The following DMAC2 variants were observed in gnomAD, a reference collection of about 807,000 sequenced individuals.
DMAC2 encodes the protein distal membrane-arm assembly complex protein 2.
Under a neutral mutation model 29.6 loss-of-function variants are expected in DMAC2, and 32 were observed. That is an observed-to-expected ratio of 1.08 (90% CI 0.81 to 1.45). The LOEUF is 1.45. DMAC2 is among the 40% of genes most tolerant of loss of function. The pLI is 0.00. For synonymous variants in DMAC2, 133 were observed against 137.4 expected (o/e 0.97, Z 0.23); for missense variants, 319 against 340.0 (o/e 0.94, Z 0.49).
intron 2 of DMAC2, among the ~76,000 whole-genome samples, chr19:41,437,388 T>G (rs1555771554): frequency 6.6e-6 from 1 of 150,398 alleles, no homozygotes; most frequent in Non-Finnish European, 1.5e-5. Flanking sequence ...AGAGTGAGAC[T>G]CTGTCTCAAA....
Position 41,438,304 on chromosome 19 carries a change from C to T in DMAC2, c.129G>A (p.Gln43=), listed in dbSNP as rs368249309. The T allele has an allele frequency of 3.1e-6, 5 of 1,614,254 alleles. No individual in the cohort carries two copies. Among genetic ancestry groups the T allele is most frequent in the Non-Finnish European group, 4.2e-6 (5 of 1,180,044 alleles). ...CATCGTAGAAATAGTTGGTCAGGAA[C>T]TGGAGTATTGTCCTTTTCTTCTTCT... The part of the protein sequence containing the change: ...GNQKKKRTIL[Q]FLTNYFYDVE... The change falls in exon 2 of 6, where the codon CAG becomes CAA. Residue 43 remains glutamine, a synonymous_variant. Coordinates refer to ENST00000221943, the MANE Select transcript of DMAC2 (RefSeq NM_018035.3).
chr19:41,433,796 CT>C, intron 3 of DMAC2, 123 bp from the exon 4 acceptor site: 1 of 1,363,630 alleles, frequency 7.3e-7, no homozygotes, highest in Non-Finnish European at 1.0e-6. Context: ...CTAATTCCAT[CT>C]TAGAAAAAGA....
intron 5 of DMAC2, chr19:41,432,783 C>CGTGTGTGTGTGTGTGT (rs374254190): frequency 1.6e-5 from 5 of 303,310 alleles, no homozygotes; most frequent in African/African-American, 1.0e-4. Flanking sequence ...GGACAGCGTG[C>CGTGTGTGTGTGTGTGT]GTGTGTGTGT....
chr19:41,438,937 A>T (rs60781668), intron 1 of DMAC2: 68,055 of 143,434 alleles, frequency 0.47, 15,898 homozygotes, highest in African/African-American at 0.58. Flanking sequence ...TTAGGAGGAT[A>T]TTTTTGTGAT....
chr19:41,431,496 G>A lies in DMAC2; in HGVS notation c.*735C>T, dbSNP rs1321971255. ...GCGCTGTGTCTCCTACGCAACTTCT[G>A]AGGGCTGGAGGGTGCCAAGGGCAGC... is the stretch of plus-strand genomic sequence containing the variant. On this transcript the variant is annotated 3_prime_UTR_variant, in exon 6 of 6. Coordinates refer to ENST00000221943, the MANE Select transcript of DMAC2 (RefSeq NM_018035.3). 2.8e-6 allele frequency: 1 copy of A among 358,524 alleles called. No homozygotes were observed. The highest frequency in any genetic ancestry group is 3.7e-5 in the Admixed American group (1 of 27,130). The allele number at this position is 358,524 out of a possible 1,614,324, so 22.2% of individuals were successfully genotyped here.
intron 1 of DMAC2, chr19:41,439,668 C>G: frequency 7.5e-7 from 1 of 1,338,080 alleles, no homozygotes; most frequent in Middle Eastern, 2.0e-4. Flanking sequence ...GTCCCTGCCT[C>G]CTCTCGCTCG....
chr19:41,433,311 C>T lies in DMAC2; in HGVS notation c.557G>A (p.Arg186His), dbSNP rs782765915. Residue 186 changes from arginine (R) to histidine (H), a missense_variant, in exon 5 of 6, where the codon CGC becomes CAC. Physicochemically the swap from Arg to His is conservative, Grantham distance 29. Coordinates refer to ENST00000221943, the MANE Select transcript of DMAC2 (RefSeq NM_018035.3). ...GCAGGCGAGGCCCCGTTCGGAGATG[C>T]GGGGGCAACCGGCCAGCGAGAGCTC... ...LQELSLAGCP[R>H]ISERGLACLH... The T allele has an allele frequency of 9.3e-6, 15 of 1,610,824 alleles. No homozygotes were observed. The highest frequency in any genetic ancestry group is 6.7e-5 in the African/African-American group (5 of 74,896).
rs573683541 is a variant in DMAC2 at position 41,436,549 on chromosome 19, G to A, written c.216-77C>T. The A allele has an allele frequency of 1.3e-5, 15 of 1,182,764 alleles. No individual in the cohort carries two copies. In the South Asian group the frequency reaches 1.7e-4, roughly 14 times the overall value. The allele number at this position is 1,182,764 out of a possible 1,614,324, so 73.3% of individuals were successfully genotyped here. A position where few individuals can be genotyped will look rare whatever the true frequency, so the allele number is the denominator to read the frequency against. ...CACGATGCCCCAGTGCTGTTAAGAG[G>A]GGCAGAGTCCAGAGAACCAGGCACA... On this transcript the variant is annotated intron_variant, in intron 2 of 5. Transcript: ENST00000221943.
chr19:41,439,793 C>T (rs1198021105), intron 1 of DMAC2, 89 bp downstream of exon 1: 2 of 1,597,170 alleles, frequency 1.3e-6, no homozygotes. Context: ...TCACGGCTTT[C>T]TGCTCTCGTG....
In DMAC2 at chr19:41,432,378, G is replaced by A. The variant is rs147192262; in HGVS notation, c.627C>T (p.Leu209=). 1.2e-6 allele frequency: 2 copies of A among 1,614,024 alleles called. No homozygotes were observed. Among genetic ancestry groups the A allele is most frequent in the African/African-American group, 1.3e-5 (1 of 75,060 alleles). Residue 209 remains leucine, a synonymous_variant, in exon 6 of 6, where the codon CTC becomes CTT. Transcript: ENST00000221943. ...QNLRRLDISD[L]PAVSNPGLTQ... ...TGAGGCCAGGGTTGGACACGGCAGGGAGGTCCGAGATGTCCAGCCTGCGGA... is the reference window on the plus strand; with the variant it reads ...TGAGGCCAGGGTTGGACACGGCAGGAAGGTCCGAGATGTCCAGCCTGCGGA...
In DMAC2 at chr19:41,438,353, G is replaced by C. The variant is rs782664653; in HGVS notation, c.80C>G (p.Ala27Gly). 6.2e-7 allele frequency: 1 copy of C among 1,614,200 alleles called. No homozygotes were observed. Among genetic ancestry groups the C allele is most frequent in the Non-Finnish European group, 8.5e-7 (1 of 1,180,048 alleles). The change falls in exon 2 of 6, where the codon GCG becomes GGG. Residue 27 changes from alanine (A) to glycine (G), a missense_variant. By Grantham distance (60) the Ala-to-Gly change is moderately conservative. Coordinates refer to ENST00000221943, the MANE Select transcript of DMAC2 (RefSeq NM_018035.3). The stretch of plus-strand genomic sequence containing the variant: ...CTGATTGCCCTCTGGGGCCACTGCC[G>C]CACCCAGGCGATGGATGCCCCTGAT... The part of the protein sequence containing the change: ...GRIRGIHRLG[A>G]AVAPEGNQKK...
rs370636859 is a variant in DMAC2 at position 41,438,283 on chromosome 19, G to A, written c.150C>T (p.Tyr50=). ...AGTAATCCCTCAGAGCCTCCACATC[G>A]TAGAAATAGTTGGTCAGGAACTGGA... ...TILQFLTNYF[Y]DVEALRDYLL... Residue 50 remains tyrosine (Y), a synonymous_variant, in exon 2 of 6, where the codon TAC becomes TAT. Coordinates refer to ENST00000221943, the MANE Select transcript of DMAC2 (RefSeq NM_018035.3). 25 of 1,614,146 alleles carry A rather than the reference G, an allele frequency of 1.5e-5. No homozygotes were observed. Among genetic ancestry groups the A allele is most frequent in the African/African-American group, 1.2e-4 (9 of 74,950 alleles).
rs1352724453 is a variant in DMAC2, at chr19:41,432,560, A to AGTGTGT, written c.597-158_597-153dup. 62 of 603,016 alleles carry AGTGTGT rather than the reference A, an allele frequency of 1.0e-4. No homozygotes were observed. In the African/African-American group the frequency reaches 1.1e-3, roughly 11 times the overall value. 37.4% of individuals were successfully genotyped at this position (603,016 alleles called of 1,614,324 possible). A position where few individuals can be genotyped will look rare whatever the true frequency, so the allele number is the denominator to read the frequency against. On this transcript the variant is annotated intron_variant, in intron 5 of 5. Coordinates refer to ENST00000221943, the MANE Select transcript of DMAC2 (RefSeq NM_018035.3). ...GTGTGTGTATAGGGAGGTACAGGAC[A>AGTGTGT]GTGTGTGCGTGTGTGTGTGTGTGTG...
chr19:41,433,412 G>A lies in DMAC2; in HGVS notation c.456C>T (p.Ser152=), dbSNP rs782665662. The stretch of plus-strand genomic sequence containing the variant: ...CGTGGCAGCAGCGCTGCAGCGACAA[G>A]GACTGGAGCTCCTTCAGGCGGACTG... ...DNLLRLKELQ[S]LSLQRCCHVD... Residue 152 remains serine (S), a synonymous_variant, in exon 5 of 6, where the codon TCC becomes TCT. Coordinates refer to ENST00000221943, the MANE Select transcript of DMAC2 (RefSeq NM_018035.3). 16 of 1,613,516 alleles carry A rather than the reference G, an allele frequency of 9.9e-6. No individual in the cohort carries two copies. The South Asian group carries it at 1.1e-4, about 11-fold the overall frequency.
rs1555771855 is a variant in DMAC2, at chr19:41,438,360, G to A, written c.73C>T (p.Leu25=). 6.2e-7 allele frequency: 1 copy of A among 1,614,228 alleles called. No individual in the cohort carries two copies. Among genetic ancestry groups the A allele is most frequent in the Non-Finnish European group, 8.5e-7 (1 of 1,180,046 alleles). ...WNGRIRGIHR[L]GAAVAPEGNQ... is the part of the protein sequence containing the mutation. ...CCCTCTGGGGCCACTGCCGCACCCA[G>A]GCGATGGATGCCCCTGATACGCCCA... Residue 25 remains leucine (L), a synonymous_variant, in exon 2 of 6, where the codon CTG becomes TTG. Transcript: ENST00000221943.
chr19:41,439,191 CA>C, intron 1 of DMAC2: 2 of 379,792 alleles, frequency 5.3e-6, no homozygotes, highest in Non-Finnish European at 9.5e-6. Context: ...TAATCTACCC[CA>C]ATTTCTCTTT....
At chr19:41,438,580 C>A (rs1465300431) in intron 1 of DMAC2, among the ~76,000 whole-genome samples, 166 bp from the exon 2 acceptor site, 1 of 152,198 alleles carries the variant, frequency 6.6e-6, no homozygotes, top group Non-Finnish European at 1.5e-5. Context: ...AAAATTTCCC[C>A]ATGTTTTTTC....
intron 1 of DMAC2, 160 bp downstream of exon 1, chr19:41,439,722 G>T: frequency 7.5e-7 from 1 of 1,338,630 alleles, no homozygotes; most frequent in Non-Finnish European, 1.1e-6. Context: ...ATCCTTCCTG[G>T]CCCCCACTAG....
intron 1 of DMAC2, chr19:41,439,580 T>C: frequency 6.6e-7 from 1 of 1,526,640 alleles, no homozygotes; most frequent in Non-Finnish European, 8.8e-7. Context: ...GCTCCTTGTG[T>C]CATCCCTCCC....
Sources: allele counts gnomAD v4.1 joint callset (sites outside exome capture counted in the v4.1 genomes callset), GRCh38; gene constraint gnomAD v4.1.1; transcripts MANE v1.5; gene names NCBI Gene and HGNC (gene_info 2026-07-23, HGNC 2026-07-21).